ROR1: variants seen among roughly 807,000 people sequenced by gnomAD.
ROR1 encodes ROR family WNT receptor 1.
In ROR1, 19 loss-of-function variants were observed where a neutral mutation model predicts 78.8. That is an observed-to-expected ratio of 0.24 (90% confidence interval 0.17 to 0.35). The LOEUF is 0.35. Ranked by LOEUF, ROR1 falls within the 10% of genes least tolerant of loss-of-function variation. The pLI is 1.00. For synonymous variants in ROR1, 386 were observed against 433.6 expected, an observed-to-expected ratio of 0.89 and a Z score of 1.36; for missense variants, 917 against 1,177.8, an observed-to-expected ratio of 0.78 and a Z score of 3.24.
intron 2 of ROR1, among the ~76,000 whole-genome samples, chr1:64,032,138 C>T (rs998064695): frequency 2.0e-5 from 3 of 151,562 alleles, no homozygotes; most frequent in Admixed American, 6.6e-5. Context: ...GTCAGGAGAT[C>T]GAGACCATCC....
intron 4 of ROR1, among the ~76,000 whole-genome samples, chr1:64,084,306 G>A (rs1321085920): frequency 6.6e-6 from 1 of 152,160 alleles, no homozygotes; most frequent in African/African-American, 2.4e-5. Flanking sequence ...TCAAAGACTG[G>A]ATTTGTACAG....
chr1:63,971,057 G>A lies in ROR1; in HGVS notation c.92-38248G>A, dbSNP rs561626847. Reference sequence around the variant, plus strand: ...CCCTGGTTGCTGGAGGACCCAGCCAGTACAGATGGGGGTCAGTCCCCTCTA... The same window carrying A: ...CCCTGGTTGCTGGAGGACCCAGCCAATACAGATGGGGGTCAGTCCCCTCTA... On this transcript the variant is annotated intron_variant, in intron 1 of 8. Coordinates refer to ENST00000371079, the MANE Select transcript of ROR1 (RefSeq NM_005012.4). Among the ~76,000 whole-genome samples the A allele has an allele frequency of 2.0e-5, 3 of 152,200 alleles. No individual in the cohort carries two copies. The South Asian group carries it at 6.2e-4, about 32-fold the overall frequency.
chr1:64,083,597 A>G lies in ROR1; in HGVS notation c.482+32881A>G, dbSNP rs1014416604. Among the ~76,000 whole-genome samples, 219 of 148,292 alleles carry G rather than the reference A, an allele frequency of 1.5e-3. 1 individual carries two copies. The highest frequency in any genetic ancestry group is 0.011 in the Middle Eastern group (3 of 282). On this transcript the variant is annotated intron_variant, in intron 4 of 8. Transcript: ENST00000371079. ...TAAAGGTGCTAGAGAGAGAGAGAGAAAAAAAAAAAAACAACCATTGTAGAA... is the reference window on the plus strand; with the variant it reads ...TAAAGGTGCTAGAGAGAGAGAGAGAGAAAAAAAAAAACAACCATTGTAGAA...
Position 64,121,231 on chromosome 1 carries a change from CTCCTTCCTTCCT to C in ROR1, c.483-16122_483-16111del, listed in dbSNP as rs71056022. 7.4e-4 allele frequency among the ~76,000 whole-genome samples: 102 copies of C among 138,690 alleles called. No homozygotes were observed. The Middle Eastern group carries it at 0.011, about 15-fold the overall frequency. 91.0% of individuals were successfully genotyped at this position (138,690 alleles called of 152,430 possible). A position where few individuals can be genotyped will look rare whatever the true frequency, so the allele number is the denominator to read the frequency against. ...CCTCCTCCCCTGCTTTCCTCCTTTCCTCCTTCCTTCCTTCCTTCCTTCCTTCCATCCTCCTGT... is the reference window on the plus strand; with the variant it reads ...CCTCCTCCCCTGCTTTCCTCCTTTCCTCCTTCCTTCCTTCCATCCTCCTGT... On this transcript the variant is annotated intron_variant, in intron 4 of 8. Coordinates refer to ENST00000371079, the MANE Select transcript of ROR1 (RefSeq NM_005012.4).
intron 1 of ROR1, among the ~76,000 whole-genome samples, chr1:63,984,209 T>A (rs540227371): frequency 1.2e-4 from 19 of 152,202 alleles, no homozygotes; most frequent in African/African-American, 3.6e-4. Context: ...GAGCTAGGAA[T>A]GTTGGTAATA....
chr1:64,026,228 G>A (rs1349218337), intron 2 of ROR1, among the ~76,000 whole-genome samples: 1 of 152,090 alleles, frequency 6.6e-6, no homozygotes, highest in Non-Finnish European at 1.5e-5. Flanking sequence ...AGTAAGATTG[G>A]CCTGAGTTTC....
chr1:63,985,073 T>G (rs1232792087), intron 1 of ROR1, among the ~76,000 whole-genome samples: 4 of 152,184 alleles, frequency 2.6e-5, no homozygotes, highest in Non-Finnish European at 5.9e-5. Context: ...TGTTGAACTC[T>G]GGACTAATTG....
At chr1:63,863,776 GTATTGTATT>G (rs1396430491) in intron 1 of ROR1, among the ~76,000 whole-genome samples, 1 of 149,196 alleles carries the variant, frequency 6.7e-6, no homozygotes, top group South Asian at 2.1e-4. Flanking sequence ...GTATTGTATT[GTATTGTATT>G]GTATTGTATT....
At chr1:63,997,423 A>G (rs997665694) in intron 1 of ROR1, among the ~76,000 whole-genome samples, 1 of 152,240 alleles carries the variant, frequency 6.6e-6, no homozygotes, top group African/African-American at 2.4e-5. Flanking sequence ...GACGTTCAAG[A>G]GGTACCAGTT....
chr1:64,138,746 C>T (rs997953827), intron 5 of ROR1, among the ~76,000 whole-genome samples: 24 of 152,136 alleles, frequency 1.6e-4, no homozygotes, highest in African/African-American at 5.1e-4. Flanking sequence ...CTCATTTCAA[C>T]AGGAAGAGAA....
chr1:63,838,059 A>C (rs1173947974), intron 1 of ROR1, among the ~76,000 whole-genome samples: 1 of 152,106 alleles, frequency 6.6e-6, no homozygotes, highest in African/African-American at 2.4e-5. Context: ...GGTGTAAACA[A>C]ACCTGCCCTG....
intron 4 of ROR1, among the ~76,000 whole-genome samples, chr1:64,067,772 G>A (rs1269995848): frequency 7.0e-6 from 1 of 143,758 alleles, no homozygotes; most frequent in African/African-American, 2.7e-5. Context: ...GAGTGCAGTG[G>A]TGTGACCTCG....
rs548619266 is a variant in ROR1 at position 63,869,246 on chromosome 1, G to T, written c.91+94738G>T. On this transcript the variant is annotated intron_variant, in intron 1 of 8. Transcript: ENST00000371079. ...ATGGCAAGCCCTCGACAATGATTAT[G>T]GCAGTTGTTACTATTACTGATTATT... Among the ~76,000 whole-genome samples, 9 of 152,292 alleles carry T rather than the reference G, an allele frequency of 5.9e-5. No homozygotes were observed. In the South Asian group the frequency reaches 1.9e-3, roughly 32 times the overall value.
intron 1 of ROR1, among the ~76,000 whole-genome samples, chr1:63,778,481 A>G (rs77410014): frequency 0.019 from 2,855 of 152,284 alleles, 82 homozygotes; most frequent in African/African-American, 0.063. Context: ...AACACACTCC[A>G]TGGAGGCCCC....
At chr1:63,798,036 C>T (rs1644772197) in intron 1 of ROR1, among the ~76,000 whole-genome samples, 1 of 152,132 alleles carries the variant, frequency 6.6e-6, no homozygotes, top group African/African-American at 2.4e-5. Context: ...GCCATGCCAG[C>T]CAGCTCTCAT....
chr1:64,048,489 G>A (rs944350094), intron 2 of ROR1, among the ~76,000 whole-genome samples: 6 of 152,096 alleles, frequency 3.9e-5, no homozygotes, highest in Non-Finnish European at 5.9e-5. Flanking sequence ...TTGGACCTAC[G>A]GAAGGACATA....
intron 1 of ROR1, among the ~76,000 whole-genome samples, chr1:63,981,822 C>G (rs540385719): frequency 2.0e-4 from 31 of 152,178 alleles, no homozygotes; most frequent in African/African-American, 7.5e-4. Context: ...TTCTCTTACT[C>G]TGATACTCTT....
At chr1:63,863,798 ATTGT>A (rs72512560) in intron 1 of ROR1, among the ~76,000 whole-genome samples, 2,653 of 130,818 alleles carry the variant, frequency 0.02, 22 homozygotes, top group African/African-American at 0.045. Flanking sequence ...ATTGTATTGT[ATTGT>A]ATCATAGATG....
chr1:63,949,198 A>C (rs1353733055), intron 1 of ROR1, among the ~76,000 whole-genome samples: 6 of 152,184 alleles, frequency 3.9e-5, no homozygotes, highest in Admixed American at 3.3e-4. Flanking sequence ...GGGGACATGG[A>C]AAAGAAAAAA....
Sources: allele counts gnomAD v4.1 joint callset (sites outside exome capture counted in the v4.1 genomes callset), GRCh38; gene constraint gnomAD v4.1.1; transcripts MANE v1.5; gene names NCBI Gene and HGNC (gene_info 2026-07-23, HGNC 2026-07-21).